Variants in ABLIM1 observed in about 807,000 individuals in gnomAD.
ABLIM1 encodes the protein actin binding LIM protein 1.
ABLIM1 carries 40 observed loss-of-function variants against 107.0 expected under a neutral mutation model. That is an observed-to-expected ratio of 0.37 (90% CI 0.29 to 0.49). The LOEUF (loss-of-function observed/expected upper bound fraction) is 0.49. Ranked by LOEUF, ABLIM1 falls within the 20% of genes least tolerant of loss-of-function variation. ABLIM1 has a pLI of 0.97. For synonymous variants in ABLIM1, 357 were observed against 357.3 expected (o/e 1.00, Z 0.01); for missense variants, 857 against 1,008.5 (o/e 0.85, Z 2.04).
intron 1 of ABLIM1, among the ~76,000 whole-genome samples, chr10:114,679,800 T>C (rs1264355081): frequency 1.3e-5 from 2 of 152,188 alleles, no homozygotes. Context: ...AAAAACTCTA[T>C]ACTCTTTGGC....
chr10:114,764,001 T>C (rs1028376864), intron 1 of ABLIM1, among the ~76,000 whole-genome samples: 1 of 152,184 alleles, frequency 6.6e-6, no homozygotes, highest in African/African-American at 2.4e-5. Context: ...TTTGGGACTC[T>C]ATCTTTAGTG....
intron 20 of ABLIM1, 178 bp downstream of exon 20, chr10:114,439,904 C>T: frequency 9.3e-7 from 1 of 1,076,524 alleles, no homozygotes; most frequent in Non-Finnish European, 1.3e-6. Context: ...CCTGCAGGGA[C>T]AGCTTGACCC....
rs77041305 is a variant in ABLIM1 at position 114,442,064 on chromosome 10, T to C, written c.1934-278A>G. Among the ~76,000 whole-genome samples the C allele has an allele frequency of 4.2e-3, 641 of 152,324 alleles. 6 individuals are homozygous for C. The highest frequency in any genetic ancestry group is 0.015 in the African/African-American group (611 of 41,576). On this transcript the variant is annotated intron_variant, in intron 17 of 22. Coordinates refer to ENST00000533213, the MANE Select transcript of ABLIM1 (RefSeq NM_002313.7). Reference sequence around the variant, plus strand: ...CTGGCATGGAGCTAAGTGTTCAGCATGCTTTATTTCTTTGAATCTTCAATA... The same window carrying C: ...CTGGCATGGAGCTAAGTGTTCAGCACGCTTTATTTCTTTGAATCTTCAATA...
chr10:114,606,896 A>C (rs1009247357), intron 1 of ABLIM1, among the ~76,000 whole-genome samples: 4 of 152,130 alleles, frequency 2.6e-5, no homozygotes, highest in Non-Finnish European at 5.9e-5. Flanking sequence ...TTTATACCAG[A>C]ATAATCCCCT....
the ABLIM1 span, among the ~76,000 whole-genome samples, chr10:114,783,894 G>T: frequency 2.6e-5 from 4 of 151,924 alleles, no homozygotes; most frequent in Admixed American, 2.6e-4. Context: ...CTGCTGAGAG[G>T]GAGCATAAAA....
chr10:114,540,928 G>A (rs1285461052), intron 6 of ABLIM1, among the ~76,000 whole-genome samples: 1 of 152,154 alleles, frequency 6.6e-6, no homozygotes, highest in Non-Finnish European at 1.5e-5. Flanking sequence ...GCTTATTTGG[G>A]AGAAGAGTCT....
chr10:114,565,699 G>T (rs538155885), intron 4 of ABLIM1, among the ~76,000 whole-genome samples: 1 of 151,836 alleles, frequency 6.6e-6, no homozygotes, highest in South Asian at 2.1e-4. Context: ...TGTATTAAAG[G>T]CTACTGGACT....
At chr10:114,688,912 T>C (rs1243292730), upstream of ABLIM1, among the ~76,000 whole-genome samples, 3 of 152,232 alleles carry the variant, frequency 2.0e-5, no homozygotes, top group African/African-American at 7.2e-5. Context: ...GTTTATGCTT[T>C]TTCCAAAAAG....
chr10:114,759,088 A>T (rs1170279863), intron 1 of ABLIM1, among the ~76,000 whole-genome samples: 1 of 152,190 alleles, frequency 6.6e-6, no homozygotes, highest in Non-Finnish European at 1.5e-5. Context: ...TGCTCGACCC[A>T]CAACTCCTGC....
upstream of ABLIM1, among the ~76,000 whole-genome samples, chr10:114,688,738 G>C (rs908732736): frequency 4.6e-5 from 7 of 152,196 alleles, no homozygotes; most frequent in Non-Finnish European, 1.0e-4. Flanking sequence ...TAGAATCAGA[G>C]ACTGTGCCCA....
intron 19 of ABLIM1, chr10:114,440,708 G>A (rs1411941390): frequency 1.6e-5 from 7 of 446,748 alleles, no homozygotes; most frequent in Admixed American, 2.9e-5. Context: ...TAATCCTTCC[G>A]CCTCAGCCTC....
At chr10:114,670,761 T>C (rs2080218918) in intron 1 of ABLIM1, among the ~76,000 whole-genome samples, 2 of 152,260 alleles carry the variant, frequency 1.3e-5, no homozygotes, top group South Asian at 4.1e-4. Flanking sequence ...TCTCGAAGTG[T>C]TGGGATTATA....
At chr10:114,478,765 C>T (rs773455725) in intron 8 of ABLIM1, among the ~76,000 whole-genome samples, 6 of 152,124 alleles carry the variant, frequency 3.9e-5, no homozygotes, top group Non-Finnish European at 5.9e-5. Context: ...CTTGGAGATT[C>T]GGAAACTGCT....
intron 6 of ABLIM1, among the ~76,000 whole-genome samples, chr10:114,507,460 GA>G (rs2061313791): frequency 6.6e-6 from 1 of 152,208 alleles, no homozygotes; most frequent in Admixed American, 6.5e-5. Context: ...GACAACCAAA[GA>G]ATTTCTGTAT....
At chr10:114,601,757 G>A in intron 2 of ABLIM1, 70 bp downstream of exon 2, 1 of 1,608,478 alleles carries the variant, frequency 6.2e-7, no homozygotes, top group East Asian at 2.2e-5. Context: ...GGAGTTAAGG[G>A]GATGGGCTGG....
rs536283372 is a variant in ABLIM1 at position 114,748,785 on chromosome 10, T to C, written c.-213+19276A>G. On this transcript the variant is annotated intron_variant, in intron 1 of 15. Coordinates refer to the ABLIM1 transcript ENST00000651092. ...AACCCTCCTGTCTCAGCCTCCTTAG[T>C]AGCTGGGACTACAGACATTCACCAC... Among the ~76,000 whole-genome samples the C allele has an allele frequency of 1.5e-4, 23 of 152,056 alleles. No homozygotes were observed. The South Asian group carries it at 2.1e-3, about 14-fold the overall frequency.
chr10:114,660,651 GTTAA>G (rs2079753925), upstream of ABLIM1, among the ~76,000 whole-genome samples: 1 of 152,176 alleles, frequency 6.6e-6, no homozygotes, highest in African/African-American at 2.4e-5. Context: ...GCCTTTCATT[GTTAA>G]TTCTTTCTTG....
chr10:114,698,013 C>T (rs938936053), intron 1 of ABLIM1, among the ~76,000 whole-genome samples: 1 of 114,386 alleles, frequency 8.7e-6, no homozygotes, highest in African/African-American at 2.7e-5. Flanking sequence ...AACATTAATC[C>T]CCCACATAGA....
chr10:114,714,615 A>G (rs1401795730), intron 1 of ABLIM1, among the ~76,000 whole-genome samples: 1 of 152,192 alleles, frequency 6.6e-6, no homozygotes, highest in African/African-American at 2.4e-5. Flanking sequence ...CTGTAACCGG[A>G]GCAGGCAAAC....
Sources: allele counts gnomAD v4.1 joint callset (sites outside exome capture counted in the v4.1 genomes callset), GRCh38; gene constraint gnomAD v4.1.1; transcripts MANE v1.5; gene names NCBI Gene and HGNC (gene_info 2026-07-23, HGNC 2026-07-21).